Variants in CHD9 observed in about 807,000 individuals in gnomAD.
CHD9 encodes the protein chromodomain helicase DNA binding protein 9.
In CHD9, 77 loss-of-function variants were observed where a neutral mutation model predicts 316.1. The observed-to-expected ratio is 0.24, with a 90% CI of 0.20 to 0.29. The LOEUF (loss-of-function observed/expected upper bound fraction) is 0.29. Among genes scored for constraint, CHD9 ranks in the 10% least tolerant of loss-of-function variants. The pLI is 1.00. For synonymous variants in CHD9, 1,129 were observed against 1,158.3 expected, an observed-to-expected ratio of 0.97 and a Z score of 0.51; for missense variants, 2,763 against 3,438.1, an observed-to-expected ratio of 0.80 and a Z score of 4.91.
intron 24 of CHD9, among the ~76,000 whole-genome samples, chr16:53,276,904 G>T (rs60771121): frequency 0.29 from 44,701 of 151,792 alleles, 6,736 homozygotes; most frequent in Middle Eastern, 0.36. Flanking sequence ...ATCAGCTCAA[G>T]TAGAAATAAA....
intron 2 of CHD9, among the ~76,000 whole-genome samples, chr16:53,198,480 C>T (rs2045145011): frequency 6.6e-6 from 1 of 151,996 alleles, no homozygotes; most frequent in African/African-American, 2.4e-5. Flanking sequence ...GCTCCTGCCA[C>T]CACACCCGGC....
At chr16:53,133,832 A>C (rs1200883869) in intron 1 of CHD9, among the ~76,000 whole-genome samples, 1 of 152,184 alleles carries the variant, frequency 6.6e-6, no homozygotes, top group African/African-American at 2.4e-5. Flanking sequence ...TCTACAAGGC[A>C]CTGTGCTAGA....
rs1307682568 is a variant in CHD9 at position 53,269,796 on chromosome 16, A to G, written c.4717+1670A>G. ...CAGCCAAAGATGACTTTCTGCCCCA[A>G]TCCCACCCCTACCACAGACTATCAC... On this transcript the variant is annotated intron_variant, in intron 22 of 38. Transcript: ENST00000447540. 2.6e-5 allele frequency among the ~76,000 whole-genome samples: 4 copies of G among 152,216 alleles called. No individual in the cohort carries two copies. The East Asian group carries it at 5.8e-4, about 22-fold the overall frequency.
intron 1 of CHD9, among the ~76,000 whole-genome samples, chr16:53,126,390 T>A (rs1475013561): frequency 1.3e-5 from 2 of 152,234 alleles, no homozygotes; most frequent in African/African-American, 2.4e-5. Flanking sequence ...TTCTGGATTC[T>A]ATAGTTTATT....
intron 2 of CHD9, among the ~76,000 whole-genome samples, chr16:53,158,046 TA>T (rs1238443963): frequency 6.6e-6 from 1 of 152,158 alleles, no homozygotes; most frequent in East Asian, 1.9e-4. Flanking sequence ...GCTTTAATAA[TA>T]AAAAATAAAT....
chr16:53,324,981 C>T lies in CHD9; in HGVS notation c.*86C>T, dbSNP rs2057492293. 3 of 1,111,768 alleles carry T rather than the reference C, an allele frequency of 2.7e-6. No homozygotes were observed. Among genetic ancestry groups the T allele is most frequent in the Non-Finnish European group, 3.8e-6 (3 of 798,658 alleles). 68.9% of individuals were successfully genotyped at this position (1,111,768 alleles called of 1,614,324 possible). A position where few individuals can be genotyped will look rare whatever the true frequency, so the allele number is the denominator to read the frequency against. On this transcript the variant is annotated 3_prime_UTR_variant, in exon 39 of 39. Transcript: ENST00000447540. ...GTAAATACCCCAGTGTTGAGTGCAT[C>T]AATAACTTACTGACCGAACATTTCA...
intron 19 of CHD9, among the ~76,000 whole-genome samples, chr16:53,261,361 T>TC (rs1392410749): frequency 7.3e-6 from 1 of 137,586 alleles, no homozygotes; most frequent in Non-Finnish European, 1.6e-5. Context: ...GTTTTAGACT[T>TC]TTTTTTTTTT....
Position 53,245,975 on chromosome 16 carries a change from C to A in CHD9, c.3454+125C>A. Reference sequence around the variant, plus strand: ...TCCACTGTGATATTCTAAGGAATTACAAGTGTTACAGAATCAGAGGCAATG... The same window carrying A: ...TCCACTGTGATATTCTAAGGAATTAAAAGTGTTACAGAATCAGAGGCAATG... On this transcript the variant is annotated intron_variant, in intron 15 of 38. Transcript: ENST00000447540. The surrounding 1 kb of genome is among the most constrained non-coding windows in gnomAD (Gnocchi z 4.1). 3.1e-6 allele frequency: 2 copies of A among 653,328 alleles called. No individual in the cohort carries two copies. Among genetic ancestry groups the A allele is most frequent in the Non-Finnish European group, 4.6e-6 (2 of 433,206 alleles). The allele number at this position is 653,328 out of a possible 1,614,324, so 40.5% of individuals were successfully genotyped here. A position where few individuals can be genotyped will look rare whatever the true frequency, so the allele number is the denominator to read the frequency against.
chr16:53,113,719 G>A (rs1295448530), intron 1 of CHD9, among the ~76,000 whole-genome samples: 1 of 151,816 alleles, frequency 6.6e-6, no homozygotes, highest in Non-Finnish European at 1.5e-5. Flanking sequence ...CAGAGACAGG[G>A]TCTTATTCTG....
At chr16:53,091,191 G>A (rs766299968) in intron 1 of CHD9, among the ~76,000 whole-genome samples, 16 of 152,294 alleles carry the variant, frequency 1.1e-4, no homozygotes, top group Non-Finnish European at 2.2e-4. Flanking sequence ...AGGAAGCCTG[G>A]GAAGGGAAAG....
intron 1 of CHD9, among the ~76,000 whole-genome samples, chr16:53,130,243 C>G (rs1162521648): frequency 1.3e-5 from 2 of 152,052 alleles, no homozygotes; most frequent in Admixed American, 1.3e-4. Flanking sequence ...CGACACGCTC[C>G]GTGCTCCCGA....
rs2049526939 is a variant in CHD9 at position 53,245,724 on chromosome 16, T to C, written c.3328T>C (p.Tyr1110His). The C allele has an allele frequency of 6.2e-7, 1 of 1,611,186 alleles. No individual in the cohort carries two copies. Residue 1110 changes from tyrosine (Y) to histidine (H), a missense_variant, in exon 15 of 39, where the codon TAC becomes CAC. Around this residue, in one of 15 missense-constraint regions of CHD9, gnomAD observed 155 missense variants for 291.8 expected, o/e 0.53. Transcript: ENST00000447540. The surrounding 1 kb of genome is among the most constrained non-coding windows in gnomAD (Gnocchi z 4.1). ...ACTTACTAATATTCAAAAGAAATAC[T>C]ACCGGGCTATCTTGGAAAAGAACTT... ...VELTNIQKKYYRAILEKNFSF... is the reference protein window; with the variant it reads ...VELTNIQKKYHRAILEKNFSF...
At chr16:53,135,421 A>G (rs1452919569) in intron 1 of CHD9, among the ~76,000 whole-genome samples, 2 of 152,220 alleles carry the variant, frequency 1.3e-5, no homozygotes, top group Non-Finnish European at 2.9e-5. Flanking sequence ...ATACTACAGT[A>G]GTCCAGGAAA....
chr16:53,264,221 T>A (rs188317363), intron 20 of CHD9, among the ~76,000 whole-genome samples: 1 of 152,278 alleles, frequency 6.6e-6, no homozygotes. Flanking sequence ...TAAACAATTT[T>A]TTCTTATAAC....
chr16:53,308,914 C>T, intron 34 of CHD9, 60 bp downstream of exon 34: 3 of 1,317,944 alleles, frequency 2.3e-6, no homozygotes, highest in Non-Finnish European at 3.2e-6. Flanking sequence ...TCCAAATCTT[C>T]TTTTATAGAT....
intron 22 of CHD9, among the ~76,000 whole-genome samples, chr16:53,270,769 G>A (rs575901960): frequency 3.9e-5 from 6 of 152,302 alleles, no homozygotes; most frequent in Admixed American, 3.3e-4. Context: ...TCTTAGGTCA[G>A]CAGTGGGAAA....
chr16:53,059,032 G>A (rs1003385585), intron 1 of CHD9, among the ~76,000 whole-genome samples: 2 of 151,982 alleles, frequency 1.3e-5, no homozygotes, highest in Non-Finnish European at 2.9e-5. Context: ...TTTTAAGTAG[G>A]GTCTTACTGT....
In CHD9 at chr16:53,242,962, T is replaced by G; in HGVS notation, c.3000T>G (p.His1000Gln). ...EWRCVIIDEA[H>Q]RLKNKNCKLL... is the part of the protein sequence containing the mutation. ...GATGTGTGATTATTGATGAAGCACA[T>G]AGGTTAAAAAATAAAAATTGTAAAC... The change falls in exon 13 of 39, where the codon CAT (histidine) becomes CAG (glutamine). Residue 1000 changes from histidine to glutamine, a missense_variant. His to Gln is a conservative substitution (Grantham distance 24, BLOSUM62 0). Transcript: ENST00000447540. The G allele has an allele frequency of 6.2e-7, 1 of 1,612,750 alleles. No individual in the cohort carries two copies. The highest frequency in any genetic ancestry group is 2.2e-5 in the East Asian group (1 of 44,810).
intron 1 of CHD9, among the ~76,000 whole-genome samples, chr16:53,077,121 G>A (rs148249841): frequency 1.2e-3 from 183 of 151,886 alleles, no homozygotes; most frequent in Non-Finnish European, 2.1e-3. Flanking sequence ...CTGAGTAGCT[G>A]GGATTACAGG....
Sources: allele counts gnomAD v4.1 joint callset (sites outside exome capture counted in the v4.1 genomes callset), GRCh38; gene constraint gnomAD v4.1.1; regional missense constraint gnomAD v4.1.1; non-coding constraint Gnocchi (gnomAD v3.1); transcripts MANE v1.5; gene names NCBI Gene and HGNC (gene_info 2026-07-23, HGNC 2026-07-21).